Variants in UNKL observed in about 807,000 individuals in gnomAD.
UNKL encodes unk like zinc finger.
In UNKL, 60 loss-of-function variants were observed where a neutral mutation model predicts 78.0. The observed-to-expected ratio is 0.77, with a 90% confidence interval of 0.63 to 0.95. The LOEUF is 0.95. UNKL is among the 40% of genes least tolerant of loss of function. The pLI is 0.00. For missense variants in UNKL, 1,159 were observed against 1,045.7 expected, an observed-to-expected ratio of 1.11 and a Z score of -1.49; for synonymous variants, 608 against 474.8, an observed-to-expected ratio of 1.28 and a Z score of -3.65.
At chr16:1,408,135 G>T (rs2037852626) in intron 2 of UNKL, among the ~76,000 whole-genome samples, 1 of 152,174 alleles carries the variant, frequency 6.6e-6, no homozygotes, top group African/African-American at 2.4e-5. Flanking sequence ...ATGGACCCTG[G>T]AGAGGCCCGG....
chr16:1,389,947 G>T (rs1283364715), intron 9 of UNKL, among the ~76,000 whole-genome samples: 1 of 152,190 alleles, frequency 6.6e-6, no homozygotes, highest in Non-Finnish European at 1.5e-5. Flanking sequence ...GGAACCACAG[G>T]TGTGAGCTAC....
intron 10 of UNKL, among the ~76,000 whole-genome samples, chr16:1,381,045 C>G (rs1298084644): frequency 1.3e-5 from 2 of 151,442 alleles, no homozygotes; most frequent in Non-Finnish European, 2.9e-5. Context: ...AGGTCAAAAA[C>G]GTACCTCAGA....
chr16:1,391,251 C>T (rs1567223684), intron 8 of UNKL, among the ~76,000 whole-genome samples: 2 of 3,902 alleles, frequency 5.1e-4, no homozygotes, highest in Non-Finnish European at 6.6e-4. Context: ...CACACACACA[C>T]ACACACACAC....
chr16:1,390,991 T>C (rs1567223418), intron 8 of UNKL, among the ~76,000 whole-genome samples: 1 of 151,322 alleles, frequency 6.6e-6, no homozygotes, highest in Non-Finnish European at 1.5e-5. Flanking sequence ...GATGGCACCA[T>C]TGCACTCCAG....
chr16:1,367,146 C>G lies in UNKL; in HGVS notation c.1992G>C (p.Pro664=). ...GCTGACTCTGCAGCGAGTGCAGCTT[C>G]GGCAGGGGAATGGTGCCGATGTCCC... ...GCGDIGTIPL[P]KLHSLQSQLR... Residue 664 remains proline, a synonymous_variant, in exon 14 of 15, where the codon CCG becomes CCC. Coordinates refer to ENST00000389221, the MANE Select transcript of UNKL (RefSeq NM_001372107.1). The G allele has an allele frequency of 6.2e-7, 1 of 1,600,476 alleles. No individual in the cohort carries two copies. The highest frequency in any genetic ancestry group is 8.5e-7 in the Non-Finnish European group (1 of 1,175,980).
intron 6 of UNKL, among the ~76,000 whole-genome samples, chr16:1,395,040 G>A (rs2037200260): frequency 6.6e-6 from 1 of 152,134 alleles, no homozygotes; most frequent in Non-Finnish European, 1.5e-5. Context: ...ACCACACCTG[G>A]CTAATTTTTG....
chr16:1,388,262 G>A (rs867185256), intron 9 of UNKL, among the ~76,000 whole-genome samples: 3 of 152,182 alleles, frequency 2.0e-5, no homozygotes, highest in African/African-American at 4.8e-5. Context: ...CAGGTGCCAC[G>A]TTTGCCCCCA....
intron 10 of UNKL, among the ~76,000 whole-genome samples, chr16:1,372,678 G>A (rs1450350420): frequency 6.6e-6 from 1 of 152,204 alleles, no homozygotes; most frequent in Non-Finnish European, 1.5e-5. Context: ...AGAGGATCTG[G>A]GATCTGAGAG....
At chr16:1,378,554 G>C (rs1284300553) in intron 10 of UNKL, among the ~76,000 whole-genome samples, 3 of 152,204 alleles carry the variant, frequency 2.0e-5, no homozygotes, top group African/African-American at 7.2e-5. Flanking sequence ...TCACCCACCA[G>C]CTGCAGAGTG....
chr16:1,367,164 G>A lies in UNKL; in HGVS notation c.1974C>T (p.Ile658=), dbSNP rs529314659. The change falls in exon 14 of 15, where the codon ATC becomes ATT. Residue 658 remains isoleucine (I), a synonymous_variant. Coordinates refer to ENST00000389221, the MANE Select transcript of UNKL (RefSeq NM_001372107.1). The part of the protein sequence containing the change: ...TLPGLRGCGD[I]GTIPLPKLHS... ...GCAGCTTCGGCAGGGGAATGGTGCC[G>A]ATGTCCCCACAGCCCCGCAGCCCCG... 2.7e-5 allele frequency: 44 copies of A among 1,604,848 alleles called. No individual in the cohort carries two copies. The Admixed American group carries it at 3.9e-4, about 14-fold the overall frequency.
chr16:1,399,463 C>T lies in UNKL; in HGVS notation c.645G>A (p.Lys215=). The change falls in exon 5 of 15, where the codon AAG becomes AAA. Residue 215 remains lysine, a synonymous_variant. Transcript: ENST00000389221. This position sits in a 1 kb window ranked among gnomAD's most constrained non-coding sequence, Gnocchi z 5.8. ...AGCCCTGGCGGCACAGGCGTGGCGGCTTCGGGCACTGCTCCGTCTTGTAGC... is the reference window on the plus strand; with the variant it reads ...AGCCCTGGCGGCACAGGCGTGGCGGTTTCGGGCACTGCTCCGTCTTGTAGC... ...LGSYKTEQCP[K]PPRLCRQGYA... The T allele has an allele frequency of 6.2e-7, 1 of 1,602,190 alleles. No individual in the cohort carries two copies. Among genetic ancestry groups the T allele is most frequent in the Non-Finnish European group, 8.5e-7 (1 of 1,175,292 alleles).
At chr16:1,366,556 G>A (rs1271610487) in intron 14 of UNKL, among the ~76,000 whole-genome samples, 161 bp from the exon 15 acceptor site, 1 of 151,888 alleles carries the variant, frequency 6.6e-6, no homozygotes, top group Admixed American at 6.6e-5. Context: ...CCACCTCAGG[G>A]AGAAGGCAGC....
At chr16:1,414,443 C>G (rs1383508086) in intron 1 of UNKL, among the ~76,000 whole-genome samples, 172 bp downstream of exon 1, 1 of 151,856 alleles carries the variant, frequency 6.6e-6, no homozygotes, top group Non-Finnish European at 1.5e-5. Context: ...ATGGGCGCCG[C>G]GCTCCGACCT....
chr16:1,390,782 C>A, intron 8 of UNKL, 88 bp from the exon 9 acceptor site: 1 of 1,426,288 alleles, frequency 7.0e-7, no homozygotes, highest in South Asian at 1.2e-5. Context: ...ACAGTGGCAG[C>A]ACTTTGGGAG....
intron 10 of UNKL, among the ~76,000 whole-genome samples, chr16:1,372,064 G>A (rs923243839): frequency 1.3e-5 from 2 of 150,436 alleles, no homozygotes; most frequent in East Asian, 2.0e-4. Flanking sequence ...AGACCATCCT[G>A]GCTAACACGG....
At chr16:1,395,165 A>ATT (rs35706255) in intron 6 of UNKL, among the ~76,000 whole-genome samples, 27 of 105,558 alleles carry the variant, frequency 2.6e-4, no homozygotes, top group East Asian at 5.5e-4. Context: ...CGGTCTGTTC[A>ATT]TTTTTTTTTT....
intron 10 of UNKL, among the ~76,000 whole-genome samples, chr16:1,376,969 A>G (rs2036279623): frequency 6.6e-6 from 1 of 152,046 alleles, no homozygotes; most frequent in Non-Finnish European, 1.5e-5. Context: ...GTTTCCCTGC[A>G]ACGCCACGTA....
Position 1,364,256 on chromosome 16 carries a change from C to T in UNKL, c.*1984G>A, listed in dbSNP as rs1415235397. On this transcript the variant is annotated 3_prime_UTR_variant, in exon 15 of 15. Coordinates refer to ENST00000389221, the MANE Select transcript of UNKL (RefSeq NM_001372107.1). ...CTGCAGAATGTCACGGACCCACTTC[C>T]TTTAAAACAACAGAATGTTGCTATC... 6.6e-6 allele frequency: 1 copy of T among 152,222 alleles called. No homozygotes were observed. The highest frequency in any genetic ancestry group is 1.9e-4 in the East Asian group (1 of 5,204). The allele number at this position is 152,222 out of a possible 1,614,324, so 9.4% of individuals were successfully genotyped here.
chr16:1,371,187 C>A (rs552581215), intron 11 of UNKL, among the ~76,000 whole-genome samples: 1 of 152,232 alleles, frequency 6.6e-6, no homozygotes, highest in African/African-American at 2.4e-5. Context: ...TCAGGAAAGG[C>A]CCCGCCTGTC....
Sources: gnomAD v4.1 joint callset for allele counts (sites outside exome capture counted in the v4.1 genomes callset) on GRCh38, gnomAD v4.1.1 for gene constraint, Gnocchi (gnomAD v3.1) non-coding constraint, MANE v1.5 for transcripts, NCBI Gene and HGNC (gene_info 2026-07-23, HGNC 2026-07-21) for gene names.